The following MGAT5B variants were observed in gnomAD, a reference collection of about 807,000 sequenced individuals.
MGAT5B encodes N-acetylglucosaminyl-transferase Vb.
A neutral mutation model predicts 95.1 loss-of-function variants in MGAT5B; 54 were observed. That is an observed-to-expected ratio of 0.57 (90% CI 0.46 to 0.71). The LOEUF (loss-of-function observed/expected upper bound fraction) is 0.71, where lower values mean the gene tolerates loss of function less well. MGAT5B is among the 30% of genes least tolerant of loss of function. The pLI is 0.00. For missense variants in MGAT5B, 935 were observed against 1,088.6 expected, an observed-to-expected ratio of 0.86 and a Z score of 1.99; for synonymous variants, 464 against 451.0, an observed-to-expected ratio of 1.03 and a Z score of -0.36.
In MGAT5B at chr17:76,869,662, C is replaced by T. The variant is rs1204470359; in HGVS notation, c.68+565C>T. Among the ~76,000 whole-genome samples the T allele has an allele frequency of 6.6e-6, 1 of 152,214 alleles. No individual in the cohort carries two copies. Among genetic ancestry groups the T allele is most frequent in the East Asian group, 1.9e-4 (1 of 5,192 alleles). On this transcript the variant is annotated intron_variant, in intron 1 of 17. Coordinates refer to ENST00000569840, the MANE Select transcript of MGAT5B (RefSeq NM_001199172.2). The surrounding 1 kb of genome is among the most constrained non-coding windows in gnomAD (Gnocchi z 7.0). ...GGGTCCCGAGATTAGAGCGAGGACT[C>T]GCTCATCCCAGGATTCGCCCCCGAT...
intron 15 of MGAT5B, among the ~76,000 whole-genome samples, chr17:76,945,217 C>G (rs1969996571): frequency 6.6e-6 from 1 of 152,188 alleles, no homozygotes; most frequent in Non-Finnish European, 1.5e-5. Flanking sequence ...CCTCCACTCC[C>G]CTGGTTTCTT....
chr17:76,889,182 G>T lies in MGAT5B; in HGVS notation c.329+6884G>T, dbSNP rs1047532053. On this transcript the variant is annotated intron_variant, in intron 3 of 17. Coordinates refer to ENST00000569840, the MANE Select transcript of MGAT5B (RefSeq NM_001199172.2). This position sits in a 1 kb window ranked among gnomAD's most constrained non-coding sequence, Gnocchi z 4.4. Reference sequence around the variant, plus strand: ...TGCAGTGAGAAGATGCAGGGCTGGCGCAGGGGCAGTGTCAGCCCTGGGAGC... The same window carrying T: ...TGCAGTGAGAAGATGCAGGGCTGGCTCAGGGGCAGTGTCAGCCCTGGGAGC... Among the ~76,000 whole-genome samples, 8 of 152,162 alleles carry T rather than the reference G, an allele frequency of 5.3e-5. No homozygotes were observed. In the South Asian group the frequency reaches 1.7e-3, roughly 32 times the overall value.
chr17:76,873,361 A>G (rs1967074158), intron 2 of MGAT5B, among the ~76,000 whole-genome samples: 1 of 152,142 alleles, frequency 6.6e-6, no homozygotes, highest in Admixed American at 6.5e-5. Flanking sequence ...ATGGGCTTAA[A>G]TGTCTTATCT....
Position 76,915,902 on chromosome 17 carries a change from A to T in MGAT5B, c.1026-9064A>T, listed in dbSNP as rs1209809585. ...CCCAGCGGAGAGGCCTGGCAGCCAG[A>T]CACCTGACCCAAGTTGGCTGGCGGT... On this transcript the variant is annotated intron_variant, in intron 8 of 17. Transcript: ENST00000569840. The surrounding 1 kb of genome is among the most constrained non-coding windows in gnomAD (Gnocchi z 8.7). 6.6e-6 allele frequency among the ~76,000 whole-genome samples: 1 copy of T among 152,236 alleles called. No homozygotes were observed. The highest frequency in any genetic ancestry group is 1.9e-4 in the East Asian group (1 of 5,192).
chr17:76,909,619 T>C (rs1280163184), intron 8 of MGAT5B, among the ~76,000 whole-genome samples: 1 of 152,156 alleles, frequency 6.6e-6, no homozygotes, highest in Non-Finnish European at 1.5e-5. Context: ...CAAGCACCAG[T>C]CTTGGGCAGC....
chr17:76,888,797 C>T (rs1258472670), intron 3 of MGAT5B, among the ~76,000 whole-genome samples: 1 of 152,168 alleles, frequency 6.6e-6, no homozygotes, highest in African/African-American at 2.4e-5. Context: ...ACCAGAGTTC[C>T]CCACTGGAGG....
intron 15 of MGAT5B, chr17:76,946,126 G>C (rs1262088290): frequency 2.3e-6 from 1 of 431,726 alleles, no homozygotes; most frequent in Non-Finnish European, 4.1e-6. Flanking sequence ...AGGGACCTGG[G>C]AGGGGGTGGG....
chr17:76,905,080 G>C lies in MGAT5B; in HGVS notation c.691-89G>C. The C allele has an allele frequency of 7.2e-7, 1 of 1,395,794 alleles. No homozygotes were observed. Among genetic ancestry groups the C allele is most frequent in the South Asian group, 1.5e-5 (1 of 64,742 alleles). The allele number at this position is 1,395,794 out of a possible 1,614,324, so 86.5% of individuals were successfully genotyped here. On this transcript the variant is annotated intron_variant, in intron 6 of 17. Coordinates refer to ENST00000569840, the MANE Select transcript of MGAT5B (RefSeq NM_001199172.2). This position sits in a 1 kb window ranked among gnomAD's most constrained non-coding sequence, Gnocchi z 4.2. ...AGCTGGAGCAGGCCCCAGCCTCATGGGAGGGTGCCAGCCCCTGTCCCCAGG... is the reference window on the plus strand; with the variant it reads ...AGCTGGAGCAGGCCCCAGCCTCATGCGAGGGTGCCAGCCCCTGTCCCCAGG...
At chr17:76,911,804 T>C (rs1038604344) in intron 8 of MGAT5B, among the ~76,000 whole-genome samples, 1 of 152,136 alleles carries the variant, frequency 6.6e-6, no homozygotes, top group Non-Finnish European at 1.5e-5. Context: ...GCCATAACAA[T>C]GGAGTGCACA....
rs1461015136 is a variant in MGAT5B at position 76,912,670 on chromosome 17, G to A, written c.1025+6483G>A. ...AACTGGCTCACTGGAGTGACGTTTG[G>A]GGCAATGTGCAGGATCTACATCTGG... On this transcript the variant is annotated intron_variant, in intron 8 of 17. Transcript: ENST00000569840. The surrounding 1 kb of genome is among the most constrained non-coding windows in gnomAD (Gnocchi z 5.0). Among the ~76,000 whole-genome samples the A allele has an allele frequency of 6.6e-6, 1 of 152,134 alleles. No individual in the cohort carries two copies. The highest frequency in any genetic ancestry group is 1.5e-5 in the Non-Finnish European group (1 of 68,028).
intron 3 of MGAT5B, among the ~76,000 whole-genome samples, chr17:76,887,731 A>G (rs1206686008): frequency 4.7e-5 from 7 of 148,752 alleles, no homozygotes. Context: ...TTTTTTTTGT[A>G]TTTTTAGTAG....
At chr17:76,901,165 G>A (rs1968301989) in intron 3 of MGAT5B, among the ~76,000 whole-genome samples, 1 of 152,170 alleles carries the variant, frequency 6.6e-6, no homozygotes, top group African/African-American at 2.4e-5. Flanking sequence ...TAGAGGGCGG[G>A]TGGCCATTGA....
In MGAT5B at chr17:76,881,466, G is replaced by C. The variant is rs370345994; in HGVS notation, c.182-685G>C. Among the ~76,000 whole-genome samples, 39 of 152,346 alleles carry C rather than the reference G, an allele frequency of 2.6e-4. 1 individual carries two copies. The highest frequency in any genetic ancestry group is 8.2e-4 in the African/African-American group (34 of 41,576). The stretch of plus-strand genomic sequence containing the variant: ...GAGGGATGGGGAAGAGATGGAGTTA[G>C]GGCCCAGAGGCCGGGCAGGAGAAGG... On this transcript the variant is annotated intron_variant, in intron 2 of 17. Coordinates refer to ENST00000569840, the MANE Select transcript of MGAT5B (RefSeq NM_001199172.2).
rs1421271639 is a variant in MGAT5B, at chr17:76,948,007, A to G, written c.2101A>G (p.Thr701Ala). The G allele has an allele frequency of 2.5e-6, 4 of 1,612,786 alleles. No individual in the cohort carries two copies. The highest frequency in any genetic ancestry group is 1.1e-5 in the South Asian group (1 of 90,836). Reference protein sequence around the residue: ...AWLAVPGRACTDTCLDHGLIC... With the variant: ...AWLAVPGRACADTCLDHGLIC... Reference sequence around the variant, plus strand: ...GCTGGCCGTGCCTGGGAGGGCCTGCACCGACACCTGCCTGGACCACGGGCT... The same window carrying G: ...GCTGGCCGTGCCTGGGAGGGCCTGCGCCGACACCTGCCTGGACCACGGGCT... Residue 701 changes from threonine to alanine, a missense_variant, in exon 17 of 18, where the codon ACC becomes GCC. Transcript: ENST00000569840.
intron 5 of MGAT5B, 51 bp downstream of exon 5, chr17:76,903,427 T>A: frequency 1.3e-6 from 2 of 1,500,706 alleles, no homozygotes; most frequent in Non-Finnish European, 9.1e-7. Context: ...GGCCTCTCTG[T>A]CTGGCCCTGG....
chr17:76,893,231 C>T (rs1018775956), intron 3 of MGAT5B, among the ~76,000 whole-genome samples: 3 of 152,062 alleles, frequency 2.0e-5, no homozygotes, highest in Admixed American at 2.0e-4. Context: ...CTCAGGGTGT[C>T]CTTGAGGCTG....
chr17:76,944,343 G>C (rs1223876816), intron 15 of MGAT5B: 4 of 152,294 alleles, frequency 2.6e-5, no homozygotes, highest in Non-Finnish European at 5.9e-5. Flanking sequence ...GTAACTCAGA[G>C]ATTTGCTGTC....
chr17:76,939,023 CT>C, intron 13 of MGAT5B, among the ~76,000 whole-genome samples: 1 of 96,246 alleles, frequency 1.0e-5, no homozygotes, highest in Non-Finnish European at 2.2e-5. Flanking sequence ...CCCAAGGCAT[CT>C]TGGGGGTGTG....
Position 76,869,536 on chromosome 17 carries a change from A to AG in MGAT5B, c.68+441dup, listed in dbSNP as rs1966916281. Among the ~76,000 whole-genome samples, 1 of 151,926 alleles carries AG rather than the reference A, an allele frequency of 6.6e-6. No homozygotes were observed. On this transcript the variant is annotated intron_variant, in intron 1 of 17. Transcript: ENST00000569840. This position sits in a 1 kb window ranked among gnomAD's most constrained non-coding sequence, Gnocchi z 7.0. The stretch of plus-strand genomic sequence containing the variant: ...CCTCCCGTCCCGCCCGTCTGCCCCT[A>AG]GGTCGGCTACCCCCCAACCCCTCCG...
Sources: gnomAD v4.1 joint callset for allele counts (sites outside exome capture counted in the v4.1 genomes callset) on GRCh38, gnomAD v4.1.1 for gene constraint, Gnocchi (gnomAD v3.1) non-coding constraint, MANE v1.5 for transcripts, NCBI Gene and HGNC (gene_info 2026-07-23, HGNC 2026-07-21) for gene names.